The following DOCK7 variants were observed in gnomAD, a reference collection of about 807,000 sequenced individuals.
DOCK7 encodes dedicator of cytokinesis protein 7.
In DOCK7, 138 loss-of-function variants were observed where a neutral mutation model predicts 271.0. The observed-to-expected ratio is 0.51, with a 90% confidence interval of 0.44 to 0.59. The LOEUF is 0.59. Ranked by LOEUF, DOCK7 falls within the 20% of genes least tolerant of loss-of-function variation. DOCK7 has a pLI of 0.00. For synonymous variants in DOCK7, 823 were observed against 876.1 expected, an observed-to-expected ratio of 0.94 and a Z score of 1.07; for missense variants, 2,066 against 2,592.4, an observed-to-expected ratio of 0.80 and a Z score of 4.41.
chr1:62,571,451 G>A (rs895752176), intron 18 of DOCK7, among the ~76,000 whole-genome samples: 10 of 152,168 alleles, frequency 6.6e-5, no homozygotes, highest in African/African-American at 1.9e-4. Flanking sequence ...TACACTGTTG[G>A]TGGGAGGGTA....
chr1:62,496,532 A>G, intron 37 of DOCK7, 35 bp from the exon 38 acceptor site: 1 of 1,556,962 alleles, frequency 6.4e-7, no homozygotes, highest in Non-Finnish European at 8.7e-7. Context: ...AATACTTAAT[A>G]TAGAAAAGCT....
chr1:62,651,835 C>G (rs905958459), intron 4 of DOCK7, among the ~76,000 whole-genome samples: 3 of 152,102 alleles, frequency 2.0e-5, no homozygotes, highest in African/African-American at 7.2e-5. Flanking sequence ...TGGTTTGCAT[C>G]AAATACTTGG....
At chr1:62,555,101 G>A (rs1646096122) in intron 21 of DOCK7, among the ~76,000 whole-genome samples, 1 of 152,048 alleles carries the variant, frequency 6.6e-6, no homozygotes, top group African/African-American at 2.4e-5. Flanking sequence ...ACAACCAAAG[G>A]ATTATTCACA....
intron 48 of DOCK7, chr1:62,458,184 T>TGTGTAC: frequency 2.2e-5 from 3 of 133,446 alleles, no homozygotes; most frequent in Middle Eastern, 3.8e-3. Flanking sequence ...TGTGTGTGTG[T>TGTGTAC]ACGCGCGCGC....
intron 1 of DOCK7, among the ~76,000 whole-genome samples, chr1:62,675,425 G>A (rs1198620516): frequency 1.3e-5 from 2 of 152,092 alleles, no homozygotes; most frequent in African/African-American, 4.8e-5. Context: ...ATACAAATGA[G>A]TAAGAGACCT....
intron 2 of DOCK7, among the ~76,000 whole-genome samples, chr1:62,660,616 T>G (rs1168056884): frequency 6.6e-6 from 1 of 152,150 alleles, no homozygotes; most frequent in Non-Finnish European, 1.5e-5. Context: ...CTCTATGATC[T>G]AGCAATTCCA....
chr1:62,604,763 T>C (rs1466501101), intron 14 of DOCK7: 1 of 1,613,054 alleles, frequency 6.2e-7, no homozygotes, highest in African/African-American at 1.3e-5. Context: ...GGTTATACTC[T>C]ATAAAATCAA....
At chr1:62,611,218 T>C (rs1449423325) in intron 14 of DOCK7, among the ~76,000 whole-genome samples, 2 of 152,224 alleles carry the variant, frequency 1.3e-5, no homozygotes, top group African/African-American at 4.8e-5. Context: ...CTTTAATATT[T>C]TGATAATTTT....
chr1:62,509,815 A>G (rs146030477), intron 34 of DOCK7, among the ~76,000 whole-genome samples: 1 of 152,200 alleles, frequency 6.6e-6, no homozygotes, highest in African/African-American at 2.4e-5. Flanking sequence ...GAATCTTCTG[A>G]GGCTTGGGCT....
chr1:62,613,410 G>C (rs993529760), intron 14 of DOCK7, among the ~76,000 whole-genome samples: 3 of 152,134 alleles, frequency 2.0e-5, no homozygotes, highest in African/African-American at 4.8e-5. Flanking sequence ...GTGACCAGCT[G>C]TGTGTGGGAG....
intron 14 of DOCK7, chr1:62,601,058 AAC>A (rs754028648): frequency 5.0e-6 from 7 of 1,391,602 alleles, no homozygotes; most frequent in South Asian, 1.2e-5. Flanking sequence ...CATTTTAAAA[AAC>A]AGATTTATAT....
chr1:62,599,554 C>T (rs920454793), intron 14 of DOCK7, among the ~76,000 whole-genome samples: 1 of 152,036 alleles, frequency 6.6e-6, no homozygotes, highest in Admixed American at 6.6e-5. Context: ...TTTATCTCTT[C>T]TATTCCTGCA....
chr1:62,655,646 G>T (rs573121475), intron 2 of DOCK7, among the ~76,000 whole-genome samples: 27 of 152,144 alleles, frequency 1.8e-4, no homozygotes, highest in African/African-American at 6.3e-4. Context: ...GGCTAACTTT[G>T]GAACTCCTGA....
chr1:62,649,680 G>T (rs1657099248), intron 4 of DOCK7, among the ~76,000 whole-genome samples: 1 of 152,114 alleles, frequency 6.6e-6, no homozygotes, highest in East Asian at 1.9e-4. Context: ...CTGTTGCTAT[G>T]ATAAGGCTCT....
intron 40 of DOCK7, among the ~76,000 whole-genome samples, chr1:62,493,689 G>C (rs1646531862): frequency 6.6e-6 from 1 of 152,024 alleles, no homozygotes; most frequent in South Asian, 2.1e-4. Context: ...CTTTCTTTTT[G>C]CATTCTGATT....
chr1:62,641,087 A>C (rs1013940025), intron 7 of DOCK7: 4 of 201,472 alleles, frequency 2.0e-5, no homozygotes, highest in Non-Finnish European at 4.1e-5. Flanking sequence ...GGCCAGGCCA[A>C]GCATGAGGCG....
intron 18 of DOCK7, among the ~76,000 whole-genome samples, chr1:62,569,145 A>G (rs6587979): frequency 0.98 from 148,690 of 152,256 alleles, 72,705 homozygotes; most frequent in Middle Eastern, 1. Context: ...ATTTACAGCT[A>G]AATTCTACCA....
intron 48 of DOCK7, 54 bp downstream of exon 48, chr1:62,473,928 T>C (rs1461891943): frequency 6.9e-7 from 1 of 1,439,986 alleles, no homozygotes; most frequent in Non-Finnish European, 9.7e-7. Context: ...TATGTCATAC[T>C]GTGGTATTGG....
chr1:62,562,232 A>AATTTTTTTTTT (rs778352065), intron 18 of DOCK7, among the ~76,000 whole-genome samples: 2 of 17,990 alleles, frequency 1.1e-4, no homozygotes, highest in Admixed American at 1.1e-3. Flanking sequence ...GGATCCAAAA[A>AATTTTTTTTTT]CTTTTTTTTT....
Sources: gnomAD v4.1 joint callset for allele counts (sites outside exome capture counted in the v4.1 genomes callset) on GRCh38, gnomAD v4.1.1 for gene constraint, MANE v1.5 for transcripts, NCBI Gene and HGNC (gene_info 2026-07-23, HGNC 2026-07-21) for gene names.